Variants in ROR1 observed in about 807,000 individuals in gnomAD.
ROR1 encodes the protein ROR family WNT receptor 1.
A neutral mutation model predicts 78.8 loss-of-function variants in ROR1; 19 were observed. The ratio of observed to expected loss-of-function variants is 0.24; its 90% CI spans 0.17 to 0.35. The LOEUF (loss-of-function observed/expected upper bound fraction) is 0.35. Among genes scored for constraint, ROR1 ranks in the 10% least tolerant of loss-of-function variants. The probability of loss-of-function intolerance (pLI) is 1.00; values close to 1 mark genes in which losing one functional copy is unlikely to be tolerated. For synonymous variants in ROR1, 386 were observed against 433.6 expected, an observed-to-expected ratio of 0.89 and a Z score of 1.36; for missense variants, 917 against 1,177.8, an observed-to-expected ratio of 0.78 and a Z score of 3.24.
rs768983540 is a variant in ROR1, at chr1:64,140,164, C to T, written c.666C>T (p.Phe222=). The part of the protein sequence containing the change: ...SSHLSDKCSQ[F]AIPSLCHYAF... ...ACTTATCTGATAAGTGTTCTCAGTT[C>T]GCCATTCCTTCCCTGTGCCACTATG... Residue 222 remains phenylalanine (F), a synonymous_variant, in exon 6 of 9, where the codon TTC becomes TTT. Coordinates refer to ENST00000371079, the MANE Select transcript of ROR1 (RefSeq NM_005012.4). 5.0e-6 allele frequency: 8 copies of T among 1,614,016 alleles called. No homozygotes were observed. Among genetic ancestry groups the T allele is most frequent in the African/African-American group, 1.3e-5 (1 of 75,006 alleles).
chr1:63,881,745 A>G (rs1191628269), intron 1 of ROR1, among the ~76,000 whole-genome samples: 3 of 152,190 alleles, frequency 2.0e-5, no homozygotes, highest in African/African-American at 7.2e-5. Context: ...TAGTGATACA[A>G]GGTGAATGAG....
chr1:63,977,996 T>C (rs975617419), intron 1 of ROR1, among the ~76,000 whole-genome samples: 31 of 152,202 alleles, frequency 2.0e-4, no homozygotes, highest in Non-Finnish European at 1.5e-5. Context: ...TTTCGTACTA[T>C]TTAGTGTTGG....
chr1:63,785,494 ATAT>A (rs1323285200), intron 1 of ROR1, among the ~76,000 whole-genome samples: 1 of 137,652 alleles, frequency 7.3e-6, no homozygotes, highest in East Asian at 2.0e-4. Flanking sequence ...ATATATATAT[ATAT>A]TTTATTTATT....
At chr1:64,096,952 T>C (rs6698814) in intron 4 of ROR1, among the ~76,000 whole-genome samples, 2,601 of 151,864 alleles carry the variant, frequency 0.017, 72 homozygotes, top group African/African-American at 0.06. Flanking sequence ...GTCTTGATGA[T>C]GATAATGATG....
In ROR1 at chr1:64,029,437, C is replaced by CT. The variant is rs749241780; in HGVS notation, c.163+20061_163+20062insT. On this transcript the variant is annotated intron_variant, in intron 2 of 8. Coordinates refer to ENST00000371079, the MANE Select transcript of ROR1 (RefSeq NM_005012.4). ...TTGGTCTTTACCCATTGATTCTCCTCGTAATTGCCCTTCGTATTAGTCTGC... is the reference window on the plus strand; with the variant it reads ...TTGGTCTTTACCCATTGATTCTCCTCTGTAATTGCCCTTCGTATTAGTCTGC... Among the ~76,000 whole-genome samples the CT allele has an allele frequency of 1.6e-4, 24 of 152,286 alleles. 1 individual carries two copies. Among genetic ancestry groups the CT allele is most frequent in the African/African-American group, 4.6e-4 (19 of 41,570 alleles).
rs1263474888 is a variant in ROR1 at position 64,009,576 on chromosome 1, CCCTCGTT to C, written c.163+204_163+210del. On this transcript the variant is annotated intron_variant, in intron 2 of 8. Coordinates refer to ENST00000371079, the MANE Select transcript of ROR1 (RefSeq NM_005012.4). The stretch of plus-strand genomic sequence containing the variant: ...TTATTTCTGGAGAGTTTCTTTCCCC[CCCTCGTT>C]CCTTTTTCTTCTTCCTCTAAAATGT... 2.6e-5 allele frequency among the ~76,000 whole-genome samples: 4 copies of C among 152,258 alleles called. No individual in the cohort carries two copies. In the East Asian group the frequency reaches 7.7e-4, roughly 29 times the overall value.
intron 8 of ROR1, 45 bp downstream of exon 8, chr1:64,159,237 G>A (rs772186409): frequency 2.7e-5 from 39 of 1,423,184 alleles, no homozygotes; most frequent in Non-Finnish European, 3.6e-5. Flanking sequence ...TGGGCTTCAA[G>A]TTAAAGCACC....
At chr1:63,835,248 C>T (rs761811233) in intron 1 of ROR1, among the ~76,000 whole-genome samples, 2 of 152,184 alleles carry the variant, frequency 1.3e-5, no homozygotes, top group African/African-American at 2.4e-5. Flanking sequence ...TGATGTCACT[C>T]ATCCCTTTCA....
chr1:63,938,541 C>T (rs1645811240), intron 1 of ROR1, among the ~76,000 whole-genome samples: 1 of 152,194 alleles, frequency 6.6e-6, no homozygotes, highest in African/African-American at 2.4e-5. Flanking sequence ...TTGCTCCCCA[C>T]TGTATTCCCA....
At chr1:64,005,538 G>C (rs551591422) in intron 1 of ROR1, among the ~76,000 whole-genome samples, 3 of 152,308 alleles carry the variant, frequency 2.0e-5, no homozygotes, top group Admixed American at 2.0e-4. Flanking sequence ...TTTGCCAGTG[G>C]TGAGGCGAAT....
At chr1:64,064,700 T>C (rs967556381) in intron 4 of ROR1, among the ~76,000 whole-genome samples, 2 of 152,134 alleles carry the variant, frequency 1.3e-5, no homozygotes, top group African/African-American at 2.4e-5. Context: ...GTGGACAGTT[T>C]GGATTGTGGA....
chr1:63,898,633 C>A (rs1645460027), intron 1 of ROR1, among the ~76,000 whole-genome samples: 1 of 150,382 alleles, frequency 6.6e-6, no homozygotes, highest in South Asian at 2.1e-4. Flanking sequence ...AGAAAGGAGA[C>A]AGAGGAAAGA....
intron 4 of ROR1, among the ~76,000 whole-genome samples, chr1:64,093,836 G>C (rs1027074809): frequency 6.6e-6 from 1 of 152,100 alleles, no homozygotes; most frequent in African/African-American, 2.4e-5. Flanking sequence ...TTGAACCCTG[G>C]AAAAGGGCAG....
chr1:63,867,119 G>C (rs1461600059), intron 1 of ROR1, among the ~76,000 whole-genome samples: 5 of 152,202 alleles, frequency 3.3e-5, no homozygotes, highest in Admixed American at 6.5e-5. Context: ...CTCTTTCTTA[G>C]ACAGTCTCAC....
chr1:64,145,317 CT>C (rs1202106263), intron 7 of ROR1, among the ~76,000 whole-genome samples: 1 of 152,074 alleles, frequency 6.6e-6, no homozygotes, highest in Non-Finnish European at 1.5e-5. Context: ...TAAAAAATTA[CT>C]AAAGAAATCC....
intron 1 of ROR1, among the ~76,000 whole-genome samples, chr1:63,900,160 A>T (rs752976668): frequency 1.3e-5 from 2 of 152,140 alleles, no homozygotes; most frequent in Non-Finnish European, 2.9e-5. Context: ...AACATTATAG[A>T]AAGGAAAAGT....
At chr1:63,937,681 G>T (rs1461014388) in intron 1 of ROR1, among the ~76,000 whole-genome samples, 1 of 152,180 alleles carries the variant, frequency 6.6e-6, no homozygotes, top group Non-Finnish European at 1.5e-5. Flanking sequence ...GTAAATCAGA[G>T]CCTGAAGGTG....
At chr1:63,938,858 T>C (rs772640243) in intron 1 of ROR1, among the ~76,000 whole-genome samples, 42 of 151,794 alleles carry the variant, frequency 2.8e-4, no homozygotes, top group Non-Finnish European at 5.5e-4. Context: ...AACAAATAGG[T>C]GTGGTGGCAC....
intron 2 of ROR1, among the ~76,000 whole-genome samples, chr1:64,019,495 A>G (rs1003012858): frequency 6.6e-6 from 1 of 152,244 alleles, no homozygotes; most frequent in Non-Finnish European, 1.5e-5. Context: ...CATAAAATAA[A>G]TACAGAAAAG....
Sources: gnomAD v4.1 joint callset for allele counts (sites outside exome capture counted in the v4.1 genomes callset) on GRCh38, gnomAD v4.1.1 for gene constraint, MANE v1.5 for transcripts, NCBI Gene and HGNC (gene_info 2026-07-23, HGNC 2026-07-21) for gene names.